Variants in ELP3 observed in about 807,000 individuals in gnomAD.
The protein encoded by ELP3 is elongator complex protein 3.
Under a neutral mutation model 74.9 loss-of-function variants are expected in ELP3, and 56 were observed. The ratio of observed to expected loss-of-function variants is 0.75; its 90% CI spans 0.60 to 0.93. The LOEUF (loss-of-function observed/expected upper bound fraction) is 0.93. Among genes scored for constraint, ELP3 ranks in the 40% least tolerant of loss-of-function variants. ELP3 has a pLI of 0.00. For synonymous variants in ELP3, 222 were observed against 239.8 expected (o/e 0.93, Z 0.68); for missense variants, 573 against 686.5 (o/e 0.83, Z 1.85).
intron 10 of ELP3, 111 bp from the exon 11 acceptor site, chr8:28,155,831 G>GT (rs1440616310): frequency 7.4e-6 from 6 of 815,426 alleles, no homozygotes; most frequent in African/African-American, 5.2e-5. Flanking sequence ...AGCTTCATAG[G>GT]TTTTTTGCTT....
chr8:28,155,591 T>A (rs1022038020), intron 10 of ELP3, among the ~76,000 whole-genome samples: 5 of 152,284 alleles, frequency 3.3e-5, no homozygotes, highest in South Asian at 2.1e-4. Flanking sequence ...AAGGAAAAAA[T>A]TTATTTCTTG....
chr8:28,119,572 TTATATATATATATATATA>T (rs72105276), intron 7 of ELP3, among the ~76,000 whole-genome samples: 1,248 of 46,738 alleles, frequency 0.027, 40 homozygotes, highest in South Asian at 0.055. Context: ...TTGTGGCGTT[TTATATATATATATATATA>T]TATATATATA....
At chr8:28,167,491 G>A (rs927188120) in intron 14 of ELP3, among the ~76,000 whole-genome samples, 1 of 152,120 alleles carries the variant, frequency 6.6e-6, no homozygotes, top group African/African-American at 2.4e-5. Context: ...TCCTTGCATT[G>A]TACTCTAGTT....
chr8:28,134,685 G>A (rs897454206), intron 9 of ELP3, among the ~76,000 whole-genome samples: 9 of 152,140 alleles, frequency 5.9e-5, no homozygotes, highest in East Asian at 5.8e-4. Context: ...TCAAAAAAGC[G>A]AAATTTAAAA....
chr8:28,139,643 A>G (rs188744061), intron 10 of ELP3, among the ~76,000 whole-genome samples: 14 of 152,176 alleles, frequency 9.2e-5, no homozygotes, highest in Non-Finnish European at 2.1e-4. Context: ...AGTGTATTAG[A>G]TATCAATAAA....
At chr8:28,180,949 A>G (rs1384791094) in intron 14 of ELP3, among the ~76,000 whole-genome samples, 2 of 152,030 alleles carry the variant, frequency 1.3e-5, no homozygotes, top group African/African-American at 2.4e-5. Flanking sequence ...CACACCTCCT[A>G]AACAGCAGGG....
chr8:28,165,170 G>A (rs1265071830), intron 14 of ELP3, among the ~76,000 whole-genome samples: 1 of 152,058 alleles, frequency 6.6e-6, no homozygotes, highest in Non-Finnish European at 1.5e-5. Flanking sequence ...TTAAAAAAGT[G>A]GATGTGGTTA....
chr8:28,127,225 T>C (rs1157199663), intron 7 of ELP3, among the ~76,000 whole-genome samples: 1 of 152,156 alleles, frequency 6.6e-6, no homozygotes, highest in Non-Finnish European at 1.5e-5. Context: ...GGTGGGGCCT[T>C]TGACACTCTG....
At chr8:28,109,979 G>C (rs111638431) in intron 5 of ELP3, among the ~76,000 whole-genome samples, 7 of 152,274 alleles carry the variant, frequency 4.6e-5, no homozygotes, top group African/African-American at 9.6e-5. Context: ...GTATTCCACT[G>C]TATGGTGGTA....
At chr8:28,126,802 A>G (rs972532528) in intron 7 of ELP3, among the ~76,000 whole-genome samples, 1 of 152,230 alleles carries the variant, frequency 6.6e-6, no homozygotes, top group African/African-American at 2.4e-5. Flanking sequence ...ATGTTGATAT[A>G]TTTACATCTC....
chr8:28,113,432 TAGAG>T (rs1251596411), intron 7 of ELP3, among the ~76,000 whole-genome samples: 3 of 152,390 alleles, frequency 2.0e-5, no homozygotes, highest in Non-Finnish European at 4.4e-5. Context: ...TATTCTCAAA[TAGAG>T]AGATTCGCCA....
chr8:28,112,972 GT>G, intron 6 of ELP3, 46 bp from the exon 7 acceptor site: 1 of 1,559,416 alleles, frequency 6.4e-7, no homozygotes, highest in Non-Finnish European at 8.7e-7. Context: ...TCTTAGAGTA[GT>G]TCCTTATGCT....
In ELP3 at chr8:28,106,307, G is replaced by A. The variant is rs187142836; in HGVS notation, c.259-406G>A. 9.8e-3 allele frequency among the ~76,000 whole-genome samples: 1,492 copies of A among 152,088 alleles called. 25 individuals are homozygous for A. The highest frequency in any genetic ancestry group is 0.034 in the African/African-American group (1,395 of 41,508). On this transcript the variant is annotated intron_variant, in intron 3 of 14. Transcript: ENST00000256398. ...TGTAATCCCAGCACTTTGGGAGGCC[G>A]AGGCGGGCGGATCACGAGGTCAGGA...
rs746141371 is a variant in ELP3, at chr8:28,106,790, A to G, written c.329+7A>G. 9.3e-6 allele frequency: 15 copies of G among 1,609,072 alleles called. No individual in the cohort carries two copies. Among genetic ancestry groups the G allele is most frequent in the Non-Finnish European group, 1.2e-5 (14 of 1,177,134 alleles). On this transcript the variant is annotated splice_region_variant and intron_variant, in intron 4 of 14. Transcript: ENST00000256398. ...TTACAGGAAATATATGTGTGTAAGT[A>G]TGGTGATTTTATTAAATTGTATGTA...
intron 7 of ELP3, among the ~76,000 whole-genome samples, chr8:28,125,689 C>T (rs953525546): frequency 2.5e-4 from 38 of 151,152 alleles, no homozygotes; most frequent in African/African-American, 9.2e-4. Context: ...TAGAAACATG[C>T]TTCCCAAGAA....
upstream of ELP3, chr8:28,092,770 T>A (rs1053280817): frequency 7.4e-6 from 2 of 271,374 alleles, no homozygotes; most frequent in Admixed American, 5.1e-5. Context: ...TCCTCCGTGG[T>A]CTCGCCCATT....
intron 14 of ELP3, among the ~76,000 whole-genome samples, chr8:28,186,671 T>A (rs909821364): frequency 6.6e-6 from 1 of 152,040 alleles, no homozygotes; most frequent in African/African-American, 2.4e-5. Flanking sequence ...TTCTGTGGAG[T>A]CCTGCGGTGG....
chr8:28,169,633 G>A (rs1206743640), intron 14 of ELP3, among the ~76,000 whole-genome samples: 1 of 152,200 alleles, frequency 6.6e-6, no homozygotes, highest in Non-Finnish European at 1.5e-5. Context: ...CTGTCATTGT[G>A]TAATAAATTA....
intron 7 of ELP3, among the ~76,000 whole-genome samples, chr8:28,116,243 G>T (rs1189145239): frequency 6.6e-6 from 1 of 152,080 alleles, no homozygotes; most frequent in Non-Finnish European, 1.5e-5. Context: ...AATACCAAGG[G>T]TAGCTCAAAG....
Sources: gnomAD v4.1 joint callset for allele counts (sites outside exome capture counted in the v4.1 genomes callset) on GRCh38, gnomAD v4.1.1 for gene constraint, MANE v1.5 for transcripts, NCBI Gene and HGNC (gene_info 2026-07-23, HGNC 2026-07-21) for gene names.